VAV3: variants seen among roughly 807,000 people sequenced by gnomAD.
VAV3 encodes the protein guanine nucleotide exchange factor VAV3.
VAV3 carries 94 observed loss-of-function variants against 131.2 expected under a neutral mutation model. The observed-to-expected ratio is 0.72, with a 90% CI of 0.61 to 0.85. VAV3 has a LOEUF of 0.85. VAV3 is among the 40% of genes least tolerant of loss of function. The probability of loss-of-function intolerance (pLI) is 0.00; values close to 1 mark genes in which losing one functional copy is unlikely to be tolerated. For missense variants in VAV3, 939 were observed against 1,002.7 expected, an observed-to-expected ratio of 0.94 and a Z score of 0.86; for synonymous variants, 349 against 342.0, an observed-to-expected ratio of 1.02 and a Z score of -0.22.
At chr1:107,620,078 A>G (rs1653451982) in intron 20 of VAV3, among the ~76,000 whole-genome samples, 1 of 152,192 alleles carries the variant, frequency 6.6e-6, no homozygotes, top group Non-Finnish European at 1.5e-5. Flanking sequence ...TAGTATATGT[A>G]ATTATTGTTC....
intron 20 of VAV3, among the ~76,000 whole-genome samples, chr1:107,626,929 G>T (rs1181584921): frequency 6.6e-6 from 1 of 152,194 alleles, no homozygotes; most frequent in Admixed American, 6.5e-5. Flanking sequence ...AGATCAGGAA[G>T]AAAAATACAC....
chr1:107,844,533 C>T (rs561222607), intron 2 of VAV3, among the ~76,000 whole-genome samples: 11 of 152,294 alleles, frequency 7.2e-5, no homozygotes, highest in East Asian at 1.9e-4. Context: ...CTCATCAGAT[C>T]CCCTGCCCAT....
intron 19 of VAV3, among the ~76,000 whole-genome samples, chr1:107,667,006 T>A (rs2101652281): frequency 6.6e-6 from 1 of 152,320 alleles, no homozygotes; most frequent in Non-Finnish European, 1.5e-5. Flanking sequence ...AGCCAGCAGC[T>A]TGTACTGCTG....
intron 1 of VAV3, among the ~76,000 whole-genome samples, chr1:107,938,006 T>C (rs1016048097): frequency 2.0e-5 from 3 of 152,294 alleles, no homozygotes; most frequent in African/African-American, 7.2e-5. Flanking sequence ...CCTCCTTGCT[T>C]TGAAGCATCA....
intron 15 of VAV3, among the ~76,000 whole-genome samples, chr1:107,734,602 G>A (rs1038199961): frequency 5.9e-5 from 9 of 151,952 alleles, no homozygotes; most frequent in Admixed American, 3.9e-4. Flanking sequence ...AAAGATCAAA[G>A]GAGACAAAGA....
At chr1:107,748,768 CA>C (rs770286738) in intron 15 of VAV3, among the ~76,000 whole-genome samples, 199 bp downstream of exon 15, 4 of 152,060 alleles carry the variant, frequency 2.6e-5, no homozygotes, top group Non-Finnish European at 4.4e-5. Flanking sequence ...TGAAGGAATT[CA>C]ACAAAACTCC....
chr1:107,667,029 T>C (rs1253531879), intron 19 of VAV3, among the ~76,000 whole-genome samples: 1 of 152,206 alleles, frequency 6.6e-6, no homozygotes, highest in African/African-American at 2.4e-5. Flanking sequence ...TCTGCTCTAA[T>C]GGATCTGGAC....
At chr1:107,702,031 C>G (rs369403747) in intron 17 of VAV3, among the ~76,000 whole-genome samples, 6 of 152,182 alleles carry the variant, frequency 3.9e-5, no homozygotes, top group South Asian at 2.1e-4. Context: ...CAGTGCCCCC[C>G]ACTCTGGGTA....
intron 2 of VAV3, among the ~76,000 whole-genome samples, chr1:107,804,861 C>CTA (rs58195984): frequency 0.15 from 22,876 of 150,866 alleles, 1,993 homozygotes; most frequent in East Asian, 0.29. Context: ...GGTGAATTCT[C>CTA]TAAACTTTTG....
chr1:107,822,652 CAAAA>C (rs756767547), intron 2 of VAV3, among the ~76,000 whole-genome samples: 103 of 86,838 alleles, frequency 1.2e-3, no homozygotes, highest in Middle Eastern at 0.01. Context: ...GACTCCATCT[CAAAA>C]AAAATAAATA....
At chr1:107,790,397 G>A (rs771836054) in intron 2 of VAV3, among the ~76,000 whole-genome samples, 1 of 152,236 alleles carries the variant, frequency 6.6e-6, no homozygotes, top group African/African-American at 2.4e-5. Flanking sequence ...TGCCTGCAAA[G>A]TATTCATGGC....
At chr1:107,718,111 G>A (rs1012985829) in intron 15 of VAV3, among the ~76,000 whole-genome samples, 2 of 152,124 alleles carry the variant, frequency 1.3e-5, no homozygotes, top group Non-Finnish European at 2.9e-5. Context: ...TACTGAATGG[G>A]AAAAAACTGG....
At chr1:107,848,148 C>A (rs1164553850) in intron 2 of VAV3, among the ~76,000 whole-genome samples, 1 of 151,894 alleles carries the variant, frequency 6.6e-6, no homozygotes, top group Non-Finnish European at 1.5e-5. Flanking sequence ...CCTGTCTCTA[C>A]TAAAAACACA....
chr1:107,958,427 G>A (rs1371443621), intron 1 of VAV3, among the ~76,000 whole-genome samples: 1 of 152,056 alleles, frequency 6.6e-6, no homozygotes, highest in East Asian at 1.9e-4. Flanking sequence ...AATAACAGCA[G>A]CATCAAAACT....
chr1:107,816,475 T>C (rs1051078634), intron 2 of VAV3, among the ~76,000 whole-genome samples: 1 of 152,146 alleles, frequency 6.6e-6, no homozygotes, highest in African/African-American at 2.4e-5. Flanking sequence ...TCTTATACAG[T>C]CTTGAGCAGT....
At chr1:107,900,470 G>A (rs187821124) in intron 1 of VAV3, among the ~76,000 whole-genome samples, 22 of 152,226 alleles carry the variant, frequency 1.4e-4, no homozygotes, top group South Asian at 1.2e-3. Context: ...TCTCTTCCAC[G>A]TGCAAAGTGA....
chr1:107,588,493 T>C (rs567934040), intron 25 of VAV3, among the ~76,000 whole-genome samples: 31 of 152,270 alleles, frequency 2.0e-4, no homozygotes, highest in African/African-American at 7.0e-4. Context: ...GCAGTAGTAA[T>C]AGCAGGAGCA....
At chr1:107,783,155 T>C (rs1445169241) in intron 2 of VAV3, among the ~76,000 whole-genome samples, 2 of 152,054 alleles carry the variant, frequency 1.3e-5, no homozygotes, top group East Asian at 1.9e-4. Flanking sequence ...GTGGGAAAGG[T>C]AGACAAAGGG....
chr1:107,850,207 A>G (rs1048844288), intron 2 of VAV3, among the ~76,000 whole-genome samples: 1 of 152,186 alleles, frequency 6.6e-6, no homozygotes, highest in African/African-American at 2.4e-5. Context: ...TTGACCCAGC[A>G]ATCCCATTAC....
Sources: gnomAD v4.1 joint callset for allele counts (sites outside exome capture counted in the v4.1 genomes callset) on GRCh38, gnomAD v4.1.1 for gene constraint, MANE v1.5 for transcripts, NCBI Gene and HGNC (gene_info 2026-07-23, HGNC 2026-07-21) for gene names.